UNC13C: variants seen among roughly 807,000 people sequenced by gnomAD.
UNC13C encodes the protein protein unc-13 homolog C.
UNC13C carries 174 observed loss-of-function variants against 245.4 expected under a neutral mutation model. That is an observed-to-expected ratio of 0.71 (90% CI 0.63 to 0.80). UNC13C has a LOEUF of 0.80. Ranked by LOEUF, UNC13C falls within the 30% of genes least tolerant of loss-of-function variation. The pLI, the probability that UNC13C is intolerant of heterozygous loss-of-function variation, is 0.00. For missense variants in UNC13C, 2,829 were observed against 2,602.9 expected, an observed-to-expected ratio of 1.09 and a Z score of -1.89; for synonymous variants, 992 against 895.1, an observed-to-expected ratio of 1.11 and a Z score of -1.93.
intron 17 of UNC13C, among the ~76,000 whole-genome samples, chr15:54,382,244 G>A (rs1351097237): frequency 6.6e-6 from 1 of 152,048 alleles, no homozygotes; most frequent in Non-Finnish European, 1.5e-5. Context: ...CATAGCAAAA[G>A]CAATGCTAAG....
intron 13 of UNC13C, 60 bp downstream of exon 13, chr15:54,300,433 G>A (rs1450197768): frequency 2.0e-5 from 28 of 1,431,586 alleles, no homozygotes; most frequent in Non-Finnish European, 2.3e-5. Context: ...AGAAAGAAAG[G>A]AGCGTTCATC....
chr15:54,038,124 A>AAATTTTTTTTTTTTTTTTTTTTT (rs1555406259), intron 2 of UNC13C, among the ~76,000 whole-genome samples: 1 of 45,040 alleles, frequency 2.2e-5, no homozygotes, highest in African/African-American at 1.1e-4. Context: ...ATATATATAT[A>AAATTTTTTTTTTTTTTTTTTTTT]TTTTTTTTTT....
intron 30 of UNC13C, among the ~76,000 whole-genome samples, chr15:54,615,043 GTATTTAGACATAGATT>G (rs769017067): frequency 9.9e-5 from 15 of 151,892 alleles, no homozygotes; most frequent in Non-Finnish European, 1.9e-4. Context: ...CAAATGAGAT[GTATTTAGACATAGATT>G]TTTCAATGTG....
the UNC13C span, among the ~76,000 whole-genome samples, chr15:53,852,322 T>C: frequency 6.6e-6 from 1 of 152,158 alleles, no homozygotes; most frequent in Non-Finnish European, 1.5e-5. Context: ...TGACATTTTT[T>C]CGAACAGGGC....
chr15:54,326,943 A>C (rs571758762), intron 14 of UNC13C, among the ~76,000 whole-genome samples: 2 of 152,192 alleles, frequency 1.3e-5, no homozygotes, highest in South Asian at 4.1e-4. Flanking sequence ...AAAGTTAGCA[A>C]ATGCTAAAAA....
chr15:54,049,185 A>C (rs1433309559), intron 2 of UNC13C: 2 of 453,038 alleles, frequency 4.4e-6, no homozygotes, highest in Non-Finnish European at 4.3e-6. Flanking sequence ...TGATACCTTG[A>C]AGAAAAAGAT....
the UNC13C span, among the ~76,000 whole-genome samples, chr15:53,854,632 C>G: frequency 5.9e-4 from 90 of 152,258 alleles, 2 homozygotes; most frequent in South Asian, 0.019. Context: ...TCTGAGTTCT[C>G]TATTCTGTTC....
chr15:54,621,473 T>C (rs1450555613), intron 30 of UNC13C, among the ~76,000 whole-genome samples: 1 of 144,344 alleles, frequency 6.9e-6, no homozygotes, highest in East Asian at 2.0e-4. Context: ...TTTCCAAGCC[T>C]GTAGTCGTTG....
intron 2 of UNC13C, among the ~76,000 whole-genome samples, chr15:54,125,145 G>A (rs553628220): frequency 6.6e-6 from 1 of 151,968 alleles, no homozygotes; most frequent in East Asian, 1.9e-4. Flanking sequence ...TATAAGTTTC[G>A]GAGAACTCTT....
intron 30 of UNC13C, among the ~76,000 whole-genome samples, chr15:54,581,796 T>C (rs973688757): frequency 1.3e-5 from 2 of 152,168 alleles, no homozygotes; most frequent in Non-Finnish European, 2.9e-5. Flanking sequence ...GGCTCAAATA[T>C]CTCTTTTAAT....
the UNC13C span, among the ~76,000 whole-genome samples, chr15:53,838,755 G>T: frequency 4.0e-5 from 6 of 151,852 alleles, no homozygotes; most frequent in African/African-American, 1.4e-4. Context: ...ATTTAGTGAA[G>T]ATTTTCTCAT....
At chr15:54,190,251 T>A (rs1393456022) in intron 4 of UNC13C, among the ~76,000 whole-genome samples, 1 of 152,170 alleles carries the variant, frequency 6.6e-6, no homozygotes, top group East Asian at 1.9e-4. Context: ...ACATACAAGC[T>A]TTTCTTTTTC....
chr15:54,175,659 C>T (rs758751097), intron 4 of UNC13C, among the ~76,000 whole-genome samples: 188 of 151,992 alleles, frequency 1.2e-3, no homozygotes, highest in Non-Finnish European at 2.1e-3. Context: ...ACTACAGGCA[C>T]CCACCACCAC....
At chr15:54,442,667 C>G (rs1890595046) in intron 19 of UNC13C, among the ~76,000 whole-genome samples, 2 of 152,066 alleles carry the variant, frequency 1.3e-5, no homozygotes, top group African/African-American at 2.4e-5. Context: ...GATGCTTTTT[C>G]TACATCCATT....
chr15:53,986,010 C>T (rs1238164982), intron 1 of UNC13C, among the ~76,000 whole-genome samples: 1 of 151,928 alleles, frequency 6.6e-6, no homozygotes, highest in Non-Finnish European at 1.5e-5. Context: ...GCATCTAGCT[C>T]CCAGTGGATT....
intron 2 of UNC13C, among the ~76,000 whole-genome samples, chr15:54,092,568 G>A (rs1899630634): frequency 6.6e-6 from 1 of 152,120 alleles, no homozygotes. Flanking sequence ...TGGAGCCAAG[G>A]TCTGAACCTG....
chr15:54,022,666 G>A (rs1895951080), intron 2 of UNC13C, among the ~76,000 whole-genome samples: 1 of 152,086 alleles, frequency 6.6e-6, no homozygotes, highest in Admixed American at 6.5e-5. Flanking sequence ...TCAAATATAT[G>A]GTTTGCAAAT....
intron 7 of UNC13C, among the ~76,000 whole-genome samples, chr15:54,238,936 G>A (rs1245179349): frequency 2.0e-5 from 3 of 152,252 alleles, no homozygotes; most frequent in African/African-American, 4.8e-5. Flanking sequence ...TGATTTAATT[G>A]GCTTCAGGTG....
intron 10 of UNC13C, among the ~76,000 whole-genome samples, chr15:54,277,503 C>G (rs1567153997): frequency 6.6e-6 from 1 of 152,168 alleles, no homozygotes; most frequent in Non-Finnish European, 1.5e-5. Context: ...TGACTTTTCA[C>G]TGCAAGATGA....
Sources: allele counts gnomAD v4.1 joint callset (sites outside exome capture counted in the v4.1 genomes callset), GRCh38; gene constraint gnomAD v4.1.1; transcripts MANE v1.5; gene names NCBI Gene and HGNC (gene_info 2026-07-23, HGNC 2026-07-21).